Variants in SLC24A2 observed in about 807,000 individuals in gnomAD.
The protein encoded by SLC24A2 is solute carrier family 24 member 2.
A neutral mutation model predicts 62.0 loss-of-function variants in SLC24A2; 36 were observed. The ratio of observed to expected loss-of-function variants is 0.58; its 90% CI spans 0.44 to 0.77. The LOEUF is 0.77. SLC24A2 is among the 30% of genes least tolerant of loss of function. The pLI, the probability that SLC24A2 is intolerant of heterozygous loss-of-function variation, is 0.00. For missense variants in SLC24A2, 846 were observed against 817.9 expected, an observed-to-expected ratio of 1.03 and a Z score of -0.42; for synonymous variants, 358 against 294.0, an observed-to-expected ratio of 1.22 and a Z score of -2.23.
intron 2 of SLC24A2, among the ~76,000 whole-genome samples, chr9:19,662,758 T>TGTG (rs1260117735): frequency 6.6e-6 from 1 of 152,194 alleles, no homozygotes; most frequent in Non-Finnish European, 1.5e-5. Flanking sequence ...CCCTGTCCCC[T>TGTG]ACCACCTCTC....
At chr9:19,923,833 C>T in the SLC24A2 span, among the ~76,000 whole-genome samples, 37 of 152,230 alleles carry the variant, frequency 2.4e-4, no homozygotes, top group African/African-American at 6.5e-4. Context: ...TTGCAATCTC[C>T]GCCTCCCAGG....
At chr9:20,172,752 T>G in the SLC24A2 span, among the ~76,000 whole-genome samples, 19 of 151,998 alleles carry the variant, frequency 1.3e-4, no homozygotes, top group African/African-American at 4.3e-4. Flanking sequence ...GACTCACAGA[T>G]GAATTCTACC....
chr9:19,549,891 G>GCAT (rs1834760477), intron 8 of SLC24A2, among the ~76,000 whole-genome samples: 1 of 152,184 alleles, frequency 6.6e-6, no homozygotes, highest in African/African-American at 2.4e-5. Flanking sequence ...TTGATAACCT[G>GCAT]AACAATCAGT....
the SLC24A2 span, among the ~76,000 whole-genome samples, chr9:20,070,544 G>C: frequency 1.3e-5 from 2 of 152,232 alleles, no homozygotes; most frequent in East Asian, 3.8e-4. Flanking sequence ...AAGGCGGTGT[G>C]CTTTGGCACA....
the SLC24A2 span, among the ~76,000 whole-genome samples, chr9:19,960,731 T>C: frequency 1.3e-5 from 2 of 152,276 alleles, no homozygotes; most frequent in East Asian, 3.9e-4. Context: ...ACTAGCTGTG[T>C]GATCTTAGGC....
chr9:20,252,824 A>G, the SLC24A2 span, among the ~76,000 whole-genome samples: 1 of 152,008 alleles, frequency 6.6e-6, no homozygotes, highest in African/African-American at 2.4e-5. Flanking sequence ...AAATTTTCAT[A>G]CTCTAGGACC....
At chr9:19,894,263 A>T in the SLC24A2 span, among the ~76,000 whole-genome samples, 1 of 152,154 alleles carries the variant, frequency 6.6e-6, no homozygotes, top group African/African-American at 2.4e-5. Flanking sequence ...GAGGAGGCAG[A>T]GTGCCAAAGA....
the SLC24A2 span, chr9:19,967,985 T>A: frequency 6.6e-6 from 1 of 152,194 alleles, no homozygotes; most frequent in South Asian, 2.1e-4. Context: ...GTGTCAGAGT[T>A]CAACTTCACT....
chr9:19,872,082 C>G, the SLC24A2 span, among the ~76,000 whole-genome samples: 1 of 152,020 alleles, frequency 6.6e-6, no homozygotes, highest in Non-Finnish European at 1.5e-5. Context: ...ACCAGGTGCA[C>G]TAGGAGTCAG....
chr9:19,654,498 A>G (rs1313571832), intron 2 of SLC24A2, among the ~76,000 whole-genome samples: 1 of 152,160 alleles, frequency 6.6e-6, no homozygotes, highest in African/African-American at 2.4e-5. Flanking sequence ...CCATTGTGGA[A>G]TCTGGAGGTT....
At position 19,722,616 on chromosome 9, in the gene SLC24A2, C is replaced by T. The variant is rs183356081; in HGVS notation, c.930+63321G>A. On this transcript the variant is annotated intron_variant, in intron 2 of 10. Transcript: ENST00000341998. ...TTACAAGATGCCCATTAGGCACAGG[C>T]ATGTGAATTAGGTTCTCTGGGAAGT... Among the ~76,000 whole-genome samples the T allele has an allele frequency of 1.2e-4, 18 of 151,000 alleles. No individual in the cohort carries two copies. The East Asian group carries it at 3.3e-3, about 28-fold the overall frequency.
rs1818204636 is a variant in SLC24A2 at position 19,632,507 on chromosome 9, G to T, written c.931-10208C>A. 6.6e-6 allele frequency among the ~76,000 whole-genome samples: 1 copy of T among 152,166 alleles called. No homozygotes were observed. Among genetic ancestry groups the T allele is most frequent in the Non-Finnish European group, 1.5e-5 (1 of 68,036 alleles). On this transcript the variant is annotated intron_variant, in intron 2 of 10. Transcript: ENST00000341998. This position sits in a 1 kb window ranked among gnomAD's most constrained non-coding sequence, Gnocchi z 4.5. ...CAAGACACATTCTTCCAATTAAGTA[G>T]CAACAGCAGCAGTTAATATATGAAA...
Position 19,708,035 on chromosome 9 carries a change from C to G in SLC24A2, c.930+77902G>C, listed in dbSNP as rs1487601054. Among the ~76,000 whole-genome samples, 3 of 152,192 alleles carry G rather than the reference C, an allele frequency of 2.0e-5. No individual in the cohort carries two copies. In the East Asian group the frequency reaches 5.8e-4, roughly 29 times the overall value. On this transcript the variant is annotated intron_variant, in intron 2 of 10. Coordinates refer to ENST00000341998, the MANE Select transcript of SLC24A2 (RefSeq NM_020344.4). ...TGTCTCAGCCCTAAATCTCCTTAAG[C>G]TGATAAGCAAATTCAGCAAAGTCAC...
the SLC24A2 span, among the ~76,000 whole-genome samples, chr9:20,174,719 C>T: frequency 6.6e-6 from 1 of 151,880 alleles, no homozygotes; most frequent in African/African-American, 2.4e-5. Flanking sequence ...GGTGTGGATG[C>T]TGTGAACAGG....
the SLC24A2 span, among the ~76,000 whole-genome samples, chr9:20,141,170 C>T: frequency 1.1e-4 from 16 of 152,230 alleles, no homozygotes; most frequent in Non-Finnish European, 1.8e-4. Flanking sequence ...ATTTCTATGC[C>T]ACAGGACAGC....
chr9:19,779,612 A>C (rs1018446275), intron 2 of SLC24A2, among the ~76,000 whole-genome samples: 1 of 152,256 alleles, frequency 6.6e-6, no homozygotes, highest in African/African-American at 2.4e-5. Context: ...AGAGGGAAAA[A>C]ACTGTAGATA....
chr9:19,598,519 T>G (rs2132903757), intron 4 of SLC24A2, among the ~76,000 whole-genome samples: 1 of 152,280 alleles, frequency 6.6e-6, no homozygotes, highest in East Asian at 1.9e-4. Context: ...GGGAGAAAAA[T>G]CACATGTTTA....
the SLC24A2 span, among the ~76,000 whole-genome samples, chr9:20,107,948 T>C: frequency 6.6e-6 from 1 of 152,194 alleles, no homozygotes; most frequent in African/African-American, 2.4e-5. Flanking sequence ...CCTACTCATC[T>C]GACAAAGTTC....
At chr9:19,779,074 T>C (rs1419502770) in intron 2 of SLC24A2, among the ~76,000 whole-genome samples, 1 of 152,070 alleles carries the variant, frequency 6.6e-6, no homozygotes, top group African/African-American at 2.4e-5. Flanking sequence ...AATGAGACGC[T>C]AGAAGGTAGA....
Sources: allele counts gnomAD v4.1 joint callset (sites outside exome capture counted in the v4.1 genomes callset), GRCh38; gene constraint gnomAD v4.1.1; non-coding constraint Gnocchi (gnomAD v3.1); transcripts MANE v1.5; gene names NCBI Gene and HGNC (gene_info 2026-07-23, HGNC 2026-07-21).